Variants in ZC3H12C observed in about 807,000 individuals in gnomAD.
The protein encoded by ZC3H12C is probable ribonuclease ZC3H12C.
ZC3H12C carries 20 observed loss-of-function variants against 76.3 expected under a neutral mutation model. The observed-to-expected ratio is 0.26, with a 90% confidence interval of 0.18 to 0.38. The LOEUF is 0.38. Among genes scored for constraint, ZC3H12C ranks in the 10% least tolerant of loss-of-function variants. The pLI is 1.00. For missense variants in ZC3H12C, 874 were observed against 1,086.5 expected (o/e 0.80, Z 2.75); for synonymous variants, 352 against 399.6 (o/e 0.88, Z 1.42).
chr11:110,136,890 G>A lies in ZC3H12C; in HGVS notation c.249G>A (p.Glu83=). The A allele has an allele frequency of 6.2e-7, 1 of 1,613,842 alleles. No homozygotes were observed. Among genetic ancestry groups the A allele is most frequent in the Non-Finnish European group, 8.5e-7 (1 of 1,179,832 alleles). Residue 83 remains glutamate (E), a synonymous_variant, in exon 2 of 6, where the codon GAG becomes GAA. Transcript: ENST00000278590. The stretch of plus-strand genomic sequence containing the variant: ...AGGATGAAAAAGAGGCGTCTGAAGA[G>A]AATGCAAGCTCTGGTGACTCTGAAG... ...VGKDEKEASE[E]NASSGDSEEN...
At chr11:110,153,199 G>A in intron 3 of ZC3H12C, 141 bp downstream of exon 3, 1 of 1,122,084 alleles carries the variant, frequency 8.9e-7, no homozygotes, top group Non-Finnish European at 1.2e-6. Flanking sequence ...TGTTGTTGTT[G>A]TTTTCTGAGA....
At chr11:110,130,512 G>T (rs776243236) in intron 1 of ZC3H12C, among the ~76,000 whole-genome samples, 32 of 152,252 alleles carry the variant, frequency 2.1e-4, no homozygotes, top group African/African-American at 7.0e-4. Context: ...TAAAGACAGG[G>T]ATTACTGCAA....
At chr11:110,103,370 A>G (rs909315196) in intron 1 of ZC3H12C, among the ~76,000 whole-genome samples, 1 of 152,238 alleles carries the variant, frequency 6.6e-6, no homozygotes, top group African/African-American at 2.4e-5. Context: ...ATTTATACAC[A>G]TGTATATTTT....
chr11:110,161,767 A>T (rs527492713), intron 4 of ZC3H12C, among the ~76,000 whole-genome samples: 19 of 152,374 alleles, frequency 1.2e-4, no homozygotes, highest in Admixed American at 2.0e-4. Flanking sequence ...TAAATGTACA[A>T]TAGAGAAATC....
rs1448703535 is a variant in ZC3H12C at position 110,170,588 on chromosome 11, TTGTC to T, written c.*4856_*4859del. ...ATGAGAAATAAAATGTATCTCTGCT[TTGTC>T]TGTCCAGATCTTTAGGATTTTTAGA... On this transcript the variant is annotated 3_prime_UTR_variant, in exon 6 of 6. Coordinates refer to ENST00000278590, the MANE Select transcript of ZC3H12C (RefSeq NM_033390.2). 5.3e-5 allele frequency: 8 copies of T among 152,230 alleles called. No homozygotes were observed. Among genetic ancestry groups the T allele is most frequent in the South Asian group, 2.1e-4 (1 of 4,832 alleles). The allele number at this position is 152,230 out of a possible 1,614,324, so 9.4% of individuals were successfully genotyped here.
chr11:110,123,829 G>A (rs1306933343), intron 1 of ZC3H12C, among the ~76,000 whole-genome samples: 1 of 152,178 alleles, frequency 6.6e-6, no homozygotes, highest in African/African-American at 2.4e-5. Flanking sequence ...AGACAAAGGA[G>A]CCAAGCACAT....
At chr11:110,099,919 C>T (rs192942896) in intron 1 of ZC3H12C, among the ~76,000 whole-genome samples, 2 of 151,912 alleles carry the variant, frequency 1.3e-5, no homozygotes, top group Admixed American at 6.6e-5. Flanking sequence ...TCCCATAACA[C>T]TTGCATATTA....
chr11:110,165,280 C>T lies in ZC3H12C; in HGVS notation c.2195C>T (p.Ala732Val). Residue 732 changes from alanine to valine, a missense_variant, in exon 6 of 6, where the codon GCA becomes GTA. By Grantham distance (64) the Ala-to-Val change is moderately conservative. This residue lies in a region of ZC3H12C where 395 missense variants were observed against 434.4 expected (regional missense o/e 0.91). Transcript: ENST00000278590. ...PGDYPSPPSS[A>V]HSKAPHLGRS... ...GACTACCCCTCTCCTCCAAGTTCAGCACACTCTAAGGCACCACACCTAGGG... is the reference window on the plus strand; with the variant it reads ...GACTACCCCTCTCCTCCAAGTTCAGTACACTCTAAGGCACCACACCTAGGG... 1 of 1,614,040 alleles carries T rather than the reference C, an allele frequency of 6.2e-7. No homozygotes were observed. Among genetic ancestry groups the T allele is most frequent in the Non-Finnish European group, 8.5e-7 (1 of 1,179,894 alleles).
At chr11:110,124,232 A>G (rs985056239) in intron 1 of ZC3H12C, 8 of 152,236 alleles carry the variant, frequency 5.3e-5, no homozygotes, top group Admixed American at 1.3e-4. Flanking sequence ...CAGGGCTACA[A>G]GAACTTTGCC....
At chr11:110,150,352 CA>C (rs1193558614) in intron 2 of ZC3H12C, among the ~76,000 whole-genome samples, 8 of 76,956 alleles carry the variant, frequency 1.0e-4, no homozygotes, top group African/African-American at 6.9e-5. Flanking sequence ...TATAGGTTTT[CA>C]ATTTCATTTT....
In ZC3H12C at chr11:110,141,018, A is replaced by G. The variant is rs1214222156; in HGVS notation, c.773+3604A>G. On this transcript the variant is annotated intron_variant, in intron 2 of 5. Transcript: ENST00000278590. ...ACTCCTGGAAAAAGATGCAACAAGA[A>G]TATCATTGGTTTTATATACCAATCA... 2.6e-5 allele frequency among the ~76,000 whole-genome samples: 4 copies of G among 152,356 alleles called. No individual in the cohort carries two copies. In the East Asian group the frequency reaches 7.7e-4, roughly 29 times the overall value.
intron 1 of ZC3H12C, among the ~76,000 whole-genome samples, chr11:110,122,483 T>C (rs1308768902): frequency 6.6e-6 from 1 of 152,142 alleles, no homozygotes; most frequent in Non-Finnish European, 1.5e-5. Flanking sequence ...TCGAAGGATA[T>C]GTTCCACCAC....
chr11:110,156,587 G>C (rs1469442914), intron 3 of ZC3H12C, among the ~76,000 whole-genome samples: 1 of 152,184 alleles, frequency 6.6e-6, no homozygotes, highest in Non-Finnish European at 1.5e-5. Flanking sequence ...ACATGGCATA[G>C]ATGAGTAGAC....
At position 110,164,239 on chromosome 11, in the gene ZC3H12C, T is replaced by C; in HGVS notation, c.1256-102T>C. The C allele has an allele frequency of 9.3e-7, 1 of 1,070,712 alleles. No homozygotes were observed. Among genetic ancestry groups the C allele is most frequent in the Non-Finnish European group, 1.3e-6 (1 of 763,912 alleles). 66.3% of individuals were successfully genotyped at this position (1,070,712 alleles called of 1,614,324 possible). A position where few individuals can be genotyped will look rare whatever the true frequency, so the allele number is the denominator to read the frequency against. On this transcript the variant is annotated intron_variant, in intron 5 of 5. Transcript: ENST00000278590. This position sits in a 1 kb window ranked among gnomAD's most constrained non-coding sequence, Gnocchi z 5.7. ...AGAGTGACACTTAGCACAGCTCCCA[T>C]TTCTATCGTTGTCTCTTCTACAAGT...
intron 1 of ZC3H12C, among the ~76,000 whole-genome samples, chr11:110,127,474 T>C (rs1296567306): frequency 2.6e-5 from 4 of 152,196 alleles, no homozygotes; most frequent in Non-Finnish European, 4.4e-5. Flanking sequence ...TTGGTGGTGG[T>C]GGTTGCTTCT....
rs754699737 is a variant in ZC3H12C, at chr11:110,165,028, A to T, written c.1943A>T (p.Tyr648Phe). The T allele has an allele frequency of 1.2e-6, 2 of 1,613,926 alleles. No homozygotes were observed. Among genetic ancestry groups the T allele is most frequent in the Non-Finnish European group, 1.7e-6 (2 of 1,179,892 alleles). The change falls in exon 6 of 6, where the codon TAT becomes TTT. Residue 648 changes from tyrosine to phenylalanine, a missense_variant. Physicochemically the swap from Tyr to Phe is conservative, Grantham distance 22. This residue lies in a region of ZC3H12C where 395 missense variants were observed against 434.4 expected (regional missense o/e 0.91). Transcript: ENST00000278590. Reference sequence around the variant, plus strand: ...TACGTGGGTTACAATGACCGGTCCTATGTCAGCTCCCCCGACCCACAGCTA... The same window carrying T: ...TACGTGGGTTACAATGACCGGTCCTTTGTCAGCTCCCCCGACCCACAGCTA... Reference protein sequence around the residue: ...DSYVGYNDRSYVSSPDPQLEE... With the variant: ...DSYVGYNDRSFVSSPDPQLEE...
chr11:110,102,097 C>T (rs1275788171), intron 1 of ZC3H12C, among the ~76,000 whole-genome samples: 2 of 150,210 alleles, frequency 1.3e-5, no homozygotes, highest in East Asian at 3.9e-4. Flanking sequence ...AACAAAATAT[C>T]CATTCTGGCA....
intron 1 of ZC3H12C, among the ~76,000 whole-genome samples, chr11:110,129,856 G>A (rs1037412498): frequency 2.0e-4 from 31 of 151,866 alleles, no homozygotes; most frequent in African/African-American, 7.2e-4. Flanking sequence ...GCCACTCCAA[G>A]TATAACTTAC....
Position 110,165,807 on chromosome 11 carries a change from A to C in ZC3H12C, c.*70A>C. 1 of 1,383,318 alleles carries C rather than the reference A, an allele frequency of 7.2e-7. No homozygotes were observed. The highest frequency in any genetic ancestry group is 9.7e-7 in the Non-Finnish European group (1 of 1,026,298). The allele number at this position is 1,383,318 out of a possible 1,614,324, so 85.7% of individuals were successfully genotyped here. A position where few individuals can be genotyped will look rare whatever the true frequency, so the allele number is the denominator to read the frequency against. On this transcript the variant is annotated 3_prime_UTR_variant, in exon 6 of 6. Coordinates refer to ENST00000278590, the MANE Select transcript of ZC3H12C (RefSeq NM_033390.2). The stretch of plus-strand genomic sequence containing the variant: ...CAAATGCTGAGGGAGGTTTGCTACA[A>C]TAGCACATGTGATCTCCTTCTCAGC...
Sources: gnomAD v4.1 joint callset for allele counts (sites outside exome capture counted in the v4.1 genomes callset) on GRCh38, gnomAD v4.1.1 for gene constraint, gnomAD v4.1.1 regional missense constraint, Gnocchi (gnomAD v3.1) non-coding constraint, MANE v1.5 for transcripts, NCBI Gene and HGNC (gene_info 2026-07-23, HGNC 2026-07-21) for gene names.